The following LDLRAD3 variants were observed in gnomAD, a reference collection of about 807,000 sequenced individuals.
The protein encoded by LDLRAD3 is low density lipoprotein receptor class A domain containing 3.
LDLRAD3 carries 20 observed loss-of-function variants against 29.4 expected under a neutral mutation model. That is an observed-to-expected ratio of 0.68 (90% CI 0.48 to 0.99). The LOEUF is 0.99. LDLRAD3 is among the 50% of genes least tolerant of loss of function. The probability of loss-of-function intolerance (pLI) is 0.00; values close to 1 mark genes in which losing one functional copy is unlikely to be tolerated. For synonymous variants in LDLRAD3, 157 were observed against 192.7 expected (o/e 0.81, Z 1.53); for missense variants, 420 against 454.3 (o/e 0.92, Z 0.69).
intron 1 of LDLRAD3, among the ~76,000 whole-genome samples, chr11:35,945,331 C>T (rs1222842084): frequency 1.3e-5 from 2 of 152,162 alleles, no homozygotes; most frequent in East Asian, 3.9e-4. Flanking sequence ...CCTTGATGTC[C>T]CTGGTCCTGG....
At chr11:36,087,909 G>T (rs1284210821) in intron 3 of LDLRAD3, among the ~76,000 whole-genome samples, 1 of 151,808 alleles carries the variant, frequency 6.6e-6, no homozygotes, top group Non-Finnish European at 1.5e-5. Context: ...AGTAGTGTCG[G>T]AGTTTAACCC....
chr11:36,045,187 C>T (rs1299973741), intron 2 of LDLRAD3, among the ~76,000 whole-genome samples: 1 of 152,174 alleles, frequency 6.6e-6, no homozygotes, highest in African/African-American at 2.4e-5. Flanking sequence ...TGATAAGCAC[C>T]CACCTACATA....
chr11:36,194,499 G>A (rs1480700246), intron 4 of LDLRAD3, among the ~76,000 whole-genome samples: 3 of 152,182 alleles, frequency 2.0e-5, no homozygotes, highest in African/African-American at 7.2e-5. Flanking sequence ...GGTTTCCTGT[G>A]TGGAGATGTC....
chr11:36,104,890 C>G (rs1444098787), intron 4 of LDLRAD3, among the ~76,000 whole-genome samples: 1 of 152,140 alleles, frequency 6.6e-6, no homozygotes, highest in Non-Finnish European at 1.5e-5. Flanking sequence ...TACTCTTGGC[C>G]TGTGAGTTTA....
chr11:36,173,563 C>A (rs1274823163), intron 4 of LDLRAD3, among the ~76,000 whole-genome samples: 1 of 151,998 alleles, frequency 6.6e-6, no homozygotes, highest in Non-Finnish European at 1.5e-5. Flanking sequence ...ATATATGCCA[C>A]ATTTTCTTAA....
Position 36,049,156 on chromosome 11 carries a change from G to A in LDLRAD3, c.193+12907G>A, listed in dbSNP as rs191086898. ...CTGTAACTGCAAAATATAGTCAGTG[G>A]TAATACGCTTGGTAATGGCTAATAA... On this transcript the variant is annotated intron_variant, in intron 2 of 5. Coordinates refer to ENST00000315571, the MANE Select transcript of LDLRAD3 (RefSeq NM_174902.4). Among the ~76,000 whole-genome samples the A allele has an allele frequency of 1.9e-3, 285 of 152,262 alleles. 1 individual carries two copies. Among genetic ancestry groups the A allele is most frequent in the African/African-American group, 6.5e-3 (268 of 41,536 alleles).
intron 4 of LDLRAD3, among the ~76,000 whole-genome samples, chr11:36,123,839 G>A (rs2133298726): frequency 6.6e-6 from 1 of 152,358 alleles, no homozygotes; most frequent in East Asian, 1.9e-4. Flanking sequence ...TGGCTGTAGA[G>A]TTGAATATTG....
chr11:36,178,225 G>A (rs1216297499), intron 4 of LDLRAD3, among the ~76,000 whole-genome samples: 1 of 152,082 alleles, frequency 6.6e-6, no homozygotes, highest in East Asian at 1.9e-4. Context: ...GTCTCATCCT[G>A]CAGAAGCCCT....
intron 4 of LDLRAD3, among the ~76,000 whole-genome samples, chr11:36,225,540 A>T (rs545910328): frequency 6.6e-6 from 1 of 152,072 alleles, no homozygotes; most frequent in African/African-American, 2.4e-5. Context: ...ACTCCCGAGG[A>T]AGTGCCTGCA....
At position 36,098,665 on chromosome 11, in the gene LDLRAD3, G is replaced by T. The variant is rs1013758513; in HGVS notation, c.454+204G>T. Among the ~76,000 whole-genome samples the T allele has an allele frequency of 9.2e-5, 14 of 152,152 alleles. 2 individuals carry two copies. The highest frequency in any genetic ancestry group is 7.2e-4 in the Admixed American group (11 of 15,278). Reference sequence around the variant, plus strand: ...CAACACACCTACCATTTTGAATTTTGTATTGTTCCTGAATTAAATATCATC... The same window carrying T: ...CAACACACCTACCATTTTGAATTTTTTATTGTTCCTGAATTAAATATCATC... On this transcript the variant is annotated intron_variant, in intron 4 of 5. Transcript: ENST00000315571.
At chr11:36,028,880 C>CTTCATCTGCAAAGT (rs1013235302) in intron 1 of LDLRAD3, among the ~76,000 whole-genome samples, 2 of 152,184 alleles carry the variant, frequency 1.3e-5, no homozygotes, top group African/African-American at 4.8e-5. Flanking sequence ...CAAGTTACTT[C>CTTCATCTGCAAAGT]TTCAGTTTCA....
chr11:36,101,119 C>T (rs1853440592), intron 4 of LDLRAD3, among the ~76,000 whole-genome samples: 1 of 152,166 alleles, frequency 6.6e-6, no homozygotes, highest in East Asian at 1.9e-4. Flanking sequence ...AGAGGGCATC[C>T]CCTTAGAAAA....
intron 4 of LDLRAD3, among the ~76,000 whole-genome samples, chr11:36,156,848 CAAAA>C (rs941938707): frequency 6.7e-6 from 1 of 149,652 alleles, no homozygotes; most frequent in Non-Finnish European, 1.5e-5. Flanking sequence ...TTTGTCATGC[CAAAA>C]AAAAAGGAAA....
intron 4 of LDLRAD3, among the ~76,000 whole-genome samples, chr11:36,133,026 A>C (rs1254854792): frequency 6.6e-6 from 1 of 152,230 alleles, no homozygotes; most frequent in East Asian, 1.9e-4. Flanking sequence ...TGATTAAAAC[A>C]GCCTCTTGTC....
chr11:36,079,379 A>T (rs975756969), intron 2 of LDLRAD3, among the ~76,000 whole-genome samples: 1 of 152,176 alleles, frequency 6.6e-6, no homozygotes, highest in Non-Finnish European at 1.5e-5. Context: ...GAGGATGAGG[A>T]TGAGGATGAG....
At chr11:36,216,076 G>T (rs1437512072) in intron 4 of LDLRAD3, among the ~76,000 whole-genome samples, 1 of 152,196 alleles carries the variant, frequency 6.6e-6, no homozygotes, top group Non-Finnish European at 1.5e-5. Context: ...TGCTCCCAGT[G>T]CTTGGCCATC....
At chr11:36,054,758 G>C (rs1158001829) in intron 2 of LDLRAD3, among the ~76,000 whole-genome samples, 1 of 127,438 alleles carries the variant, frequency 7.8e-6, no homozygotes, top group African/African-American at 3.3e-5. Flanking sequence ...TGGATGCTTG[G>C]ATGGATGGAT....
chr11:36,016,963 A>G (rs1367561392), intron 1 of LDLRAD3, among the ~76,000 whole-genome samples: 1 of 152,240 alleles, frequency 6.6e-6, no homozygotes, highest in South Asian at 2.1e-4. Context: ...AGATAAAAAT[A>G]TAAACTTTAC....
chr11:36,180,255 G>T (rs2133356411), intron 4 of LDLRAD3, among the ~76,000 whole-genome samples: 1 of 152,078 alleles, frequency 6.6e-6, no homozygotes, highest in South Asian at 2.1e-4. Flanking sequence ...TCTTCTGCTT[G>T]TGGCCCAGAG....
Sources: allele counts gnomAD v4.1 joint callset (sites outside exome capture counted in the v4.1 genomes callset), GRCh38; gene constraint gnomAD v4.1.1; transcripts MANE v1.5; gene names NCBI Gene and HGNC (gene_info 2026-07-23, HGNC 2026-07-21).